Variants in LUZP1 observed in about 807,000 individuals in gnomAD.
The protein encoded by LUZP1 is leucine zipper protein 1.
LUZP1 carries 25 observed loss-of-function variants against 71.3 expected under a neutral mutation model. The observed-to-expected ratio is 0.35, with a 90% CI of 0.26 to 0.49. The LOEUF (loss-of-function observed/expected upper bound fraction) is 0.49. Ranked by LOEUF, LUZP1 falls within the 20% of genes least tolerant of loss-of-function variation. The pLI is 0.99. For synonymous variants in LUZP1, 481 were observed against 506.4 expected, an observed-to-expected ratio of 0.95 and a Z score of 0.67; for missense variants, 1,142 against 1,300.8, an observed-to-expected ratio of 0.88 and a Z score of 1.88.
At chr1:23,092,501 G>T in exon 4 of LUZP1, 4 of 1,614,162 alleles carry the variant, frequency 2.5e-6, no homozygotes, top group Non-Finnish European at 3.4e-6. Context: ...CAGCCTCAAG[G>T]CCATTGGCAG....
intron 1 of LUZP1, among the ~76,000 whole-genome samples, chr1:23,174,937 A>G (rs1320595054): frequency 6.7e-6 from 1 of 148,248 alleles, no homozygotes; most frequent in African/African-American, 2.6e-5. Flanking sequence ...CATTTCATTC[A>G]TTCATTCATT....
chr1:23,106,687 T>C (rs1474812855), intron 3 of LUZP1, among the ~76,000 whole-genome samples: 1 of 152,144 alleles, frequency 6.6e-6, no homozygotes, highest in African/African-American at 2.4e-5. Context: ...CTTCAAAGTA[T>C]GTCTAGAAGC....
At chr1:23,132,723 A>G (rs1644224592) in intron 2 of LUZP1, among the ~76,000 whole-genome samples, 1 of 152,214 alleles carries the variant, frequency 6.6e-6, no homozygotes. Context: ...AGATACTAAC[A>G]GCAACTTAAG....
intron 3 of LUZP1, among the ~76,000 whole-genome samples, chr1:23,100,306 C>A (rs544868704): frequency 6.6e-6 from 1 of 152,154 alleles, no homozygotes; most frequent in Non-Finnish European, 1.5e-5. Flanking sequence ...ATGTCCATGA[C>A]CTAATCATGG....
Position 23,088,815 on chromosome 1 carries a change from G to A in LUZP1, c.*80C>T, listed in dbSNP as rs1643806943. 18 of 1,538,314 alleles carry A rather than the reference G, an allele frequency of 1.2e-5. No homozygotes were observed. In the Admixed American group the frequency reaches 2.9e-4, roughly 25 times the overall value. ...GGCTTGTGTCTTGCCTGGTTAACTG[G>A]CCTTGGATCCTTCGTGGGGCAGGAC... On this transcript the variant is annotated 3_prime_UTR_variant, in exon 5 of 5. Transcript: ENST00000302291.
intron 2 of LUZP1, among the ~76,000 whole-genome samples, chr1:23,112,596 T>G (rs1000781950): frequency 1.3e-5 from 2 of 152,170 alleles, no homozygotes; most frequent in Non-Finnish European, 2.9e-5. Flanking sequence ...AGACAACAAC[T>G]ATACTCTGGA....
chr1:23,094,275 C>T lies in LUZP1; in HGVS notation c.-14G>A, dbSNP rs772377108. On this transcript the variant is annotated 5_prime_UTR_variant, in exon 4 of 5. Coordinates refer to ENST00000302291, the Ensembl canonical transcript of LUZP1. The surrounding 1 kb of genome is among the most constrained non-coding windows in gnomAD (Gnocchi z 4.7). ...AAATTCGGCCATGTCTACTGCCAGC[C>T]AATGTGGGCTCCTAGAGGCATCCAA... 7.6e-6 allele frequency: 12 copies of T among 1,584,076 alleles called. No homozygotes were observed. The highest frequency in any genetic ancestry group is 3.6e-5 in the Admixed American group (2 of 54,942).
intron 2 of LUZP1, among the ~76,000 whole-genome samples, chr1:23,129,656 T>C (rs1177589479): frequency 1.3e-5 from 2 of 152,184 alleles, no homozygotes; most frequent in Non-Finnish European, 1.5e-5. Context: ...AGCCTTCTTA[T>C]AATTCAACAT....
intron 2 of LUZP1, among the ~76,000 whole-genome samples, chr1:23,167,865 T>C (rs1644522370): frequency 6.6e-6 from 1 of 151,886 alleles, no homozygotes; most frequent in Admixed American, 6.6e-5. Flanking sequence ...CGGGAAGCCA[T>C]GGCTCCTTCC....
At chr1:23,119,726 G>A (rs866884155) in intron 2 of LUZP1, among the ~76,000 whole-genome samples, 105 of 152,196 alleles carry the variant, frequency 6.9e-4, no homozygotes, top group African/African-American at 2.4e-3. Flanking sequence ...TGCATAGAAC[G>A]TGGCACACAG....
intron 3 of LUZP1, among the ~76,000 whole-genome samples, chr1:23,108,687 C>T (rs1644003881): frequency 6.6e-6 from 1 of 152,218 alleles, no homozygotes; most frequent in Non-Finnish European, 1.5e-5. Context: ...CCTCTTTAAG[C>T]TTGTTTCCTT....
intron 2 of LUZP1, among the ~76,000 whole-genome samples, chr1:23,111,590 A>G (rs1644033165): frequency 6.6e-6 from 1 of 152,106 alleles, no homozygotes; most frequent in South Asian, 2.1e-4. Context: ...GATCTATACC[A>G]AGGCGGCACC....
intron 3 of LUZP1, among the ~76,000 whole-genome samples, chr1:23,103,870 G>GA (rs1643954583): frequency 9.4e-5 from 1 of 10,684 alleles, no homozygotes; most frequent in African/African-American, 3.2e-4. Context: ...GAGGGAGGGA[G>GA]GGAGGGAGGG....
chr1:23,136,295 A>AACACACACACACACACACACAC (rs10578041), intron 2 of LUZP1, among the ~76,000 whole-genome samples: 1 of 130,164 alleles, frequency 7.7e-6, no homozygotes, highest in African/African-American at 3.0e-5. Context: ...TTCCGTCTTA[A>AACACACACACACACACACACAC]ACACACACAC....
chr1:23,112,560 T>C (rs1163818256), intron 2 of LUZP1, among the ~76,000 whole-genome samples: 1 of 152,188 alleles, frequency 6.6e-6, no homozygotes, highest in Non-Finnish European at 1.5e-5. Flanking sequence ...CAGTAAGAAA[T>C]TCTGCTTTCA....
At chr1:23,175,403 C>T (rs1644576576) in intron 1 of LUZP1, among the ~76,000 whole-genome samples, 1 of 152,162 alleles carries the variant, frequency 6.6e-6, no homozygotes, top group South Asian at 2.1e-4. Flanking sequence ...AAAGGAAAGG[C>T]ATCTCAGCTC....
At chr1:23,138,663 T>TGTGTGTGTGTGTGTGTGTG (rs1553140068) in intron 2 of LUZP1, among the ~76,000 whole-genome samples, 1 of 125,610 alleles carries the variant, frequency 8.0e-6, no homozygotes, top group East Asian at 2.4e-4. Context: ...GATTATGTGT[T>TGTGTGTGTGTGTGTGTGTG]TGTGTGTGTG....
chr1:23,137,216 A>G (rs1644261650), intron 2 of LUZP1, among the ~76,000 whole-genome samples: 1 of 152,366 alleles, frequency 6.6e-6, no homozygotes, highest in Non-Finnish European at 1.5e-5. Context: ...TTACGACTCA[A>G]TAATAAAAAA....
rs1644514927 is a variant in LUZP1, at chr1:23,166,983, T to G, written c.-226+1783A>C. On this transcript the variant is annotated intron_variant, in intron 2 of 4. Transcript: ENST00000302291. ...TACTATGTTTAGAAAAGTGATTTAA[T>G]TTTAGAAACCTGGAAAATTCTTCTA... Among the ~76,000 whole-genome samples the G allele has an allele frequency of 2.0e-5, 3 of 152,202 alleles. No homozygotes were observed. The South Asian group carries it at 6.2e-4, about 31-fold the overall frequency.
Sources: allele counts gnomAD v4.1 joint callset (sites outside exome capture counted in the v4.1 genomes callset), GRCh38; gene constraint gnomAD v4.1.1; non-coding constraint Gnocchi (gnomAD v3.1); transcripts MANE v1.5; gene names NCBI Gene and HGNC (gene_info 2026-07-23, HGNC 2026-07-21).